KLF7: variants seen among roughly 807,000 people sequenced by gnomAD.
KLF7 encodes KLF transcription factor 7.
KLF7 carries 2 observed loss-of-function variants against 27.3 expected under a neutral mutation model. That is an observed-to-expected ratio of 0.07 (90% CI 0.03 to 0.23). The LOEUF (loss-of-function observed/expected upper bound fraction) is 0.23, where lower values mean the gene tolerates loss of function less well. Ranked by LOEUF, KLF7 falls within the 10% of genes least tolerant of loss-of-function variation. KLF7 has a pLI of 1.00. For missense variants in KLF7, 221 were observed against 394.1 expected (o/e 0.56, Z 3.72); for synonymous variants, 165 against 162.4 (o/e 1.02, Z -0.12).
At chr2:207,107,729 G>C (rs2076916312) in intron 2 of KLF7, among the ~76,000 whole-genome samples, 1 of 152,068 alleles carries the variant, frequency 6.6e-6, no homozygotes, top group African/African-American at 2.4e-5. Flanking sequence ...GCTCTTCTTT[G>C]TGCTGCGGTG....
upstream of KLF7, among the ~76,000 whole-genome samples, chr2:207,169,617 C>G (rs116596358): frequency 0.013 from 2,024 of 152,200 alleles, 28 homozygotes; most frequent in Non-Finnish European, 0.018. Flanking sequence ...TTATACAAAT[C>G]GAAGGTTTGT....
Position 207,124,134 on chromosome 2 carries a change from C to T in KLF7, c.373G>A (p.Val125Ile), listed in dbSNP as rs536720710. The change falls in exon 2 of 4, where the codon GTC becomes ATC. Residue 125 changes from valine (V) to isoleucine (I), a missense_variant. Around this residue, in one of 3 missense-constraint regions of KLF7, gnomAD observed 180 missense variants for 227.9 expected, o/e 0.79. Coordinates refer to ENST00000309446, the MANE Select transcript of KLF7 (RefSeq NM_003709.4). ...ACTGCGTTGAGCTGGGCCTGGTTGACGGCTGTGTAGCTGTCTAGAGAAGAG... is the reference window on the plus strand; with the variant it reads ...ACTGCGTTGAGCTGGGCCTGGTTGATGGCTGTGTAGCTGTCTAGAGAAGAG... Reference protein sequence around the residue: ...ASSSLDSYTAVNQAQLNAVTS... With the variant: ...ASSSLDSYTAINQAQLNAVTS... The T allele has an allele frequency of 2.7e-5, 43 of 1,614,144 alleles. No homozygotes were observed. The highest frequency in any genetic ancestry group is 1.0e-4 in the Admixed American group (6 of 60,018).
intron 1 of KLF7, among the ~76,000 whole-genome samples, chr2:207,157,168 A>G (rs544778982): frequency 7.3e-5 from 11 of 150,882 alleles, no homozygotes; most frequent in Non-Finnish European, 1.0e-4. Flanking sequence ...TACGCAAGGC[A>G]TCAACTCCTT....
At position 207,102,104 on chromosome 2, in the gene KLF7, C is replaced by G. The variant is rs562373175; in HGVS notation, c.734-13523G>C. On this transcript the variant is annotated intron_variant, in intron 2 of 3. Coordinates refer to ENST00000309446, the MANE Select transcript of KLF7 (RefSeq NM_003709.4). ...GAAGAAAACACAATGACTGAAACCA[C>G]CCGTGAAAGCTACATTCACATTCAC... is the stretch of plus-strand genomic sequence containing the variant. Among the ~76,000 whole-genome samples the G allele has an allele frequency of 6.4e-4, 95 of 149,218 alleles. 1 individual carries two copies. Among genetic ancestry groups the G allele is most frequent in the Admixed American group, 4.1e-3 (61 of 14,888 alleles).
At chr2:207,170,370 A>AG (rs2078776871), upstream of KLF7, among the ~76,000 whole-genome samples, 1 of 152,208 alleles carries the variant, frequency 6.6e-6, no homozygotes, top group Non-Finnish European at 1.5e-5. Context: ...ATGAGGTTTA[A>AG]GGGAAAAAGT....
intron 3 of KLF7, among the ~76,000 whole-genome samples, chr2:207,086,920 AACACTCTC>A (rs1394078438): frequency 6.6e-6 from 1 of 152,230 alleles, no homozygotes; most frequent in Non-Finnish European, 1.5e-5. Context: ...GATGTAACAG[AACACTCTC>A]CTTCAAAAGA....
At chr2:207,146,728 G>GA (rs539371765) in intron 1 of KLF7, among the ~76,000 whole-genome samples, 25 of 150,868 alleles carry the variant, frequency 1.7e-4, no homozygotes, top group Middle Eastern at 3.4e-3. Flanking sequence ...ACAAAAAGAA[G>GA]AAAAAAAAAC....
chr2:207,140,446 T>A (rs1023961652), intron 1 of KLF7, among the ~76,000 whole-genome samples: 1 of 152,140 alleles, frequency 6.6e-6, no homozygotes, highest in Non-Finnish European at 1.5e-5. Context: ...GTATCATATA[T>A]CACCCATCCC....
chr2:207,128,042 C>A (rs193250776), intron 1 of KLF7, among the ~76,000 whole-genome samples: 285 of 152,200 alleles, frequency 1.9e-3, no homozygotes, highest in African/African-American at 6.6e-3. Context: ...GCACACTTAG[C>A]CCAGGGATCT....
rs760440437 is a variant in KLF7, at chr2:207,124,280, C to T, written c.227G>A (p.Arg76His). ...PPPCIEESFR[R>H]LDPLLLPVEA... Reference sequence around the variant, plus strand: ...CACGGGGAGCAGCAGGGGGTCTAAGCGACGGAAGCTTTCCTCAATGCACGG... The same window carrying T: ...CACGGGGAGCAGCAGGGGGTCTAAGTGACGGAAGCTTTCCTCAATGCACGG... The change falls in exon 2 of 4, where the codon CGC becomes CAC. Residue 76 changes from arginine (R) to histidine (H), a missense_variant. Physicochemically the swap from Arg to His is conservative, Grantham distance 29 (BLOSUM62 0). This residue lies in a region of KLF7 where 180 missense variants were observed against 227.9 expected (regional missense o/e 0.79). Coordinates refer to ENST00000309446, the MANE Select transcript of KLF7 (RefSeq NM_003709.4). The T allele has an allele frequency of 5.0e-6, 8 of 1,613,858 alleles. No individual in the cohort carries two copies. In the East Asian group the frequency reaches 1.1e-4, roughly 22 times the overall value.
chr2:207,129,921 T>C (rs534277856), intron 1 of KLF7, among the ~76,000 whole-genome samples: 2 of 152,214 alleles, frequency 1.3e-5, no homozygotes, highest in Non-Finnish European at 2.9e-5. Flanking sequence ...ATTAAGTTTA[T>C]CAAAAGCTCT....
At chr2:207,090,768 GAC>G (rs1171261368) in intron 2 of KLF7, among the ~76,000 whole-genome samples, 1 of 152,108 alleles carries the variant, frequency 6.6e-6, no homozygotes, top group African/African-American at 2.4e-5. Flanking sequence ...GAATGAGTAG[GAC>G]ACACAAAGGG....
chr2:207,138,960 T>G (rs776671079), intron 1 of KLF7, among the ~76,000 whole-genome samples: 3 of 152,222 alleles, frequency 2.0e-5, no homozygotes, highest in Non-Finnish European at 2.9e-5. Context: ...TGCGTGTGCT[T>G]TTTTGGAAAA....
rs1186692877 is a variant in KLF7, at chr2:207,076,603, G to A, written c.*4610C>T. 6.6e-6 allele frequency: 1 copy of A among 152,132 alleles called. No homozygotes were observed. Among genetic ancestry groups the A allele is most frequent in the Non-Finnish European group, 1.5e-5 (1 of 68,026 alleles). 9.4% of individuals were successfully genotyped at this position (152,132 alleles called of 1,614,324 possible). A position where few individuals can be genotyped will look rare whatever the true frequency, so the allele number is the denominator to read the frequency against. On this transcript the variant is annotated 3_prime_UTR_variant, in exon 4 of 4. Transcript: ENST00000309446. ...CAGGCAGTTCGTCGTGGGAGGTCAC[G>A]TTATTTACAAGAAGTTTCTGCTTCC...
upstream of KLF7, among the ~76,000 whole-genome samples, chr2:207,171,332 ACTT>A (rs570690307): frequency 7.9e-5 from 12 of 152,162 alleles, no homozygotes; most frequent in East Asian, 1.9e-4. Flanking sequence ...GATGGAATCT[ACTT>A]CTGGTGAAGA....
intron 1 of KLF7, among the ~76,000 whole-genome samples, chr2:207,132,669 A>C (rs1446408125): frequency 6.6e-6 from 1 of 152,218 alleles, no homozygotes; most frequent in East Asian, 1.9e-4. Flanking sequence ...CCTTAGTTGC[A>C]GTGCATAAAA....
At position 207,145,586 on chromosome 2, in the gene KLF7, T is replaced by C. The variant is rs142436235; in HGVS notation, c.102+19881A>G. On this transcript the variant is annotated intron_variant, in intron 1 of 3. Transcript: ENST00000309446. Reference sequence around the variant, plus strand: ...TAACTGTAAACTTTCAGGAAAAGTTTTTGAGAAGAATATTTTTGGGAAGAT... The same window carrying C: ...TAACTGTAAACTTTCAGGAAAAGTTCTTGAGAAGAATATTTTTGGGAAGAT... Among the ~76,000 whole-genome samples, 71 of 152,362 alleles carry C rather than the reference T, an allele frequency of 4.7e-4. 1 individual carries two copies. In the Middle Eastern group the frequency reaches 0.014, roughly 29 times the overall value.
At chr2:207,167,138 A>G (rs2078739870), upstream of KLF7, 2 of 1,441,402 alleles carry the variant, frequency 1.4e-6, no homozygotes, top group African/African-American at 1.5e-5. Context: ...GATGAGGCTC[A>G]CCATGGGGTC....
chr2:207,111,911 C>G (rs185550758), intron 2 of KLF7, among the ~76,000 whole-genome samples: 9 of 152,180 alleles, frequency 5.9e-5, no homozygotes, highest in African/African-American at 2.2e-4. Context: ...TCCAATCAAC[C>G]GGTGAAGAGG....
Sources: gnomAD v4.1 joint callset for allele counts (sites outside exome capture counted in the v4.1 genomes callset) on GRCh38, gnomAD v4.1.1 for gene constraint, gnomAD v4.1.1 regional missense constraint, MANE v1.5 for transcripts, NCBI Gene and HGNC (gene_info 2026-07-23, HGNC 2026-07-21) for gene names.